The following ARID4B variants were observed in gnomAD, a reference collection of about 807,000 sequenced individuals.
ARID4B encodes AT-rich interactive domain-containing protein 4B.
ARID4B carries 26 observed loss-of-function variants against 147.5 expected under a neutral mutation model. The observed-to-expected ratio is 0.18, with a 90% CI of 0.13 to 0.24. ARID4B has a LOEUF of 0.24. Among genes scored for constraint, ARID4B ranks in the 10% least tolerant of loss-of-function variants. ARID4B has a pLI of 1.00. For missense variants in ARID4B, 1,179 were observed against 1,511.5 expected (o/e 0.78, Z 3.65); for synonymous variants, 512 against 507.9 (o/e 1.01, Z -0.11).
At chr1:235,241,598 A>G (rs1251760856) in intron 7 of ARID4B, among the ~76,000 whole-genome samples, 2 of 152,162 alleles carry the variant, frequency 1.3e-5, no homozygotes, top group Admixed American at 1.3e-4. Context: ...GGCTCACTGC[A>G]AGCTCCGCCT....
chr1:235,189,109 T>G (rs1379552267), intron 19 of ARID4B, among the ~76,000 whole-genome samples: 2 of 151,942 alleles, frequency 1.3e-5, no homozygotes, highest in Non-Finnish European at 2.9e-5. Context: ...TTTAAAAATA[T>G]TCATTGAAAG....
chr1:235,186,609 G>A (rs541507246), intron 19 of ARID4B, among the ~76,000 whole-genome samples: 1 of 151,822 alleles, frequency 6.6e-6, no homozygotes, highest in Non-Finnish European at 1.5e-5. Flanking sequence ...CACCCTATTG[G>A]TCAGGCTGGT....
At chr1:235,305,658 A>T (rs78840521) in intron 2 of ARID4B, among the ~76,000 whole-genome samples, 5 of 152,106 alleles carry the variant, frequency 3.3e-5, no homozygotes, top group South Asian at 4.1e-4. Flanking sequence ...GGGTATTTTG[A>T]GAATTAAAAT....
chr1:235,204,358 A>G (rs572134227), intron 17 of ARID4B, among the ~76,000 whole-genome samples: 131 of 152,302 alleles, frequency 8.6e-4, no homozygotes, highest in African/African-American at 3.1e-3. Context: ...CCTAAGTATG[A>G]TATAAACATT....
At chr1:235,255,232 T>TAG (rs1572087985) in intron 5 of ARID4B, among the ~76,000 whole-genome samples, 10 of 98,224 alleles carry the variant, frequency 1.0e-4, no homozygotes, top group African/African-American at 3.2e-4. Flanking sequence ...GATAGATAGA[T>TAG]AGATAGATAG....
At chr1:235,174,320 T>C (rs541204087) in intron 22 of ARID4B, among the ~76,000 whole-genome samples, 147 of 152,108 alleles carry the variant, frequency 9.7e-4, no homozygotes, top group Non-Finnish European at 1.8e-3. Flanking sequence ...ATTACAGGCA[T>C]GAGCCACTGC....
chr1:235,172,521 T>C, intron 23 of ARID4B, 97 bp downstream of exon 23: 1 of 799,950 alleles, frequency 1.3e-6, no homozygotes, highest in East Asian at 3.1e-5. Context: ...GAGGTTGCAG[T>C]GAGCCGAGAT....
chr1:235,238,151 A>AG (rs1668736968), intron 8 of ARID4B, among the ~76,000 whole-genome samples: 1 of 151,200 alleles, frequency 6.6e-6, no homozygotes, highest in African/African-American at 2.4e-5. Context: ...CTCAAAAAAA[A>AG]AAAAAAGAAA....
Position 235,182,602 on chromosome 1 carries a change from T to C in ARID4B, c.2317A>G (p.Lys773Glu), listed in dbSNP as rs1248858880. 3 of 1,613,452 alleles carry C rather than the reference T, an allele frequency of 1.9e-6. No individual in the cohort carries two copies. Among genetic ancestry groups the C allele is most frequent in the African/African-American group, 2.7e-5 (2 of 74,916 alleles). ...NKVHADLVISKPVSKSPERLR... is the reference protein window; with the variant it reads ...NKVHADLVISEPVSKSPERLR... The stretch of plus-strand genomic sequence containing the variant: ...CTTTCTGGAGATTTTGACACTGGTT[T>C]GGATATTACCAAATCTGCATGAACT... The change falls in exon 20 of 24, where the codon AAA (lysine) becomes GAA (glutamate). Residue 773 changes from lysine to glutamate, a missense_variant. By Grantham distance (56) the Lys-to-Glu change is moderately conservative. Around this residue, in one of 10 missense-constraint regions of ARID4B, gnomAD observed 321 missense variants for 342.4 expected, o/e 0.94. Coordinates refer to ENST00000264183, the MANE Select transcript of ARID4B (RefSeq NM_016374.6).
intron 9 of ARID4B, among the ~76,000 whole-genome samples, 186 bp from the exon 10 acceptor site, chr1:235,231,375 T>C (rs1668224088): frequency 6.6e-6 from 1 of 152,208 alleles, no homozygotes. Flanking sequence ...GATGTTAAAA[T>C]ACGTAATCAT....
Position 235,176,160 on chromosome 1 carries a change from A to G in ARID4B, c.3449-761T>C, listed in dbSNP as rs971743192. ...TCCATCAGAATTAATTCATGTTACTAAATTATTCTCTTGAATGGTTAACTC... is the reference window on the plus strand; with the variant it reads ...TCCATCAGAATTAATTCATGTTACTGAATTATTCTCTTGAATGGTTAACTC... On this transcript the variant is annotated intron_variant, in intron 21 of 23. Transcript: ENST00000264183. Among the ~76,000 whole-genome samples, 9 of 152,164 alleles carry G rather than the reference A, an allele frequency of 5.9e-5. 1 individual carries two copies. Among genetic ancestry groups the G allele is most frequent in the Admixed American group, 4.6e-4 (7 of 15,272 alleles).
chr1:235,196,452 G>T (rs560581992), intron 17 of ARID4B, among the ~76,000 whole-genome samples: 87 of 152,240 alleles, frequency 5.7e-4, no homozygotes, highest in African/African-American at 1.9e-3. Context: ...TCTACATTTT[G>T]TTTTACTTTG....
chr1:235,284,939 T>G (rs912426507), intron 2 of ARID4B, among the ~76,000 whole-genome samples: 2 of 152,072 alleles, frequency 1.3e-5, no homozygotes, highest in Admixed American at 1.3e-4. Context: ...GGTCTTGTTC[T>G]ATCACCCAGG....
intron 2 of ARID4B, among the ~76,000 whole-genome samples, chr1:235,318,362 T>C (rs946654343): frequency 1.3e-5 from 2 of 151,844 alleles, no homozygotes; most frequent in Non-Finnish European, 2.9e-5. Context: ...TTAGTACAGA[T>C]GGGGTTTCAC....
At chr1:235,208,540 T>C (rs1458497455) in intron 17 of ARID4B, among the ~76,000 whole-genome samples, 1 of 152,070 alleles carries the variant, frequency 6.6e-6, no homozygotes, top group Non-Finnish European at 1.5e-5. Context: ...TTCGCTCTTG[T>C]TGCCCAGGCT....
chr1:235,221,735 A>T, intron 13 of ARID4B, 73 bp from the exon 14 acceptor site: 1 of 644,846 alleles, frequency 1.6e-6, no homozygotes, highest in South Asian at 2.6e-5. Flanking sequence ...TAGACACAGT[A>T]TATATGAGTA....
chr1:235,173,757 AAAAAAAAAAAAAAAATATATATATAT>A (rs1486227549), intron 22 of ARID4B, among the ~76,000 whole-genome samples: 8 of 48,600 alleles, frequency 1.6e-4, no homozygotes, highest in African/African-American at 9.5e-4. Context: ...AAAAAAAAAA[AAAAAAAAAAAAAAAATATATATATAT>A]ATATATATAT....
chr1:235,310,175 A>T (rs1211976857), intron 2 of ARID4B, among the ~76,000 whole-genome samples: 1 of 149,638 alleles, frequency 6.7e-6, no homozygotes, highest in African/African-American at 2.5e-5. Context: ...AATGATCAAT[A>T]AAAAAAAATA....
intron 2 of ARID4B, among the ~76,000 whole-genome samples, chr1:235,300,735 G>C (rs1673062760): frequency 6.6e-6 from 1 of 151,904 alleles, no homozygotes; most frequent in Non-Finnish European, 1.5e-5. Context: ...TTGTGAGACA[G>C]AGTCTCGCTC....
Sources: gnomAD v4.1 joint callset for allele counts (sites outside exome capture counted in the v4.1 genomes callset) on GRCh38, gnomAD v4.1.1 for gene constraint, gnomAD v4.1.1 regional missense constraint, MANE v1.5 for transcripts, NCBI Gene and HGNC (gene_info 2026-07-23, HGNC 2026-07-21) for gene names.